AGAP3: variants seen among roughly 807,000 people sequenced by gnomAD.
AGAP3 encodes the protein arf-GAP with GTPase, ANK repeat and PH domain-containing protein 3.
AGAP3 carries 24 observed loss-of-function variants against 96.9 expected under a neutral mutation model. That is an observed-to-expected ratio of 0.25 (90% confidence interval 0.18 to 0.35). The LOEUF is 0.35. Among genes scored for constraint, AGAP3 ranks in the 10% least tolerant of loss-of-function variants. The pLI, the probability that AGAP3 is intolerant of heterozygous loss-of-function variation, is 1.00. For synonymous variants in AGAP3, 563 were observed against 536.1 expected (o/e 1.05, Z -0.69); for missense variants, 876 against 1,254.2 (o/e 0.70, Z 4.55).
rs1184572477 is a variant in AGAP3, at chr7:151,142,001, G to C, written c.1908G>C (p.Val636=). The stretch of plus-strand genomic sequence containing the variant: ...AGCGGGAGCTGTGGGTTCAGAGTGT[G>C]CAGGCCCAGATCCTTGCCAGCCTGC... The part of the protein sequence containing the change: ...AEERELWVQS[V]QAQILASLQG... The change falls in exon 14 of 18, where the codon GTG becomes GTC. Residue 636 remains valine (V), a synonymous_variant. Coordinates refer to ENST00000397238, the MANE Select transcript of AGAP3 (RefSeq NM_031946.7). This position sits in a 1 kb window ranked among gnomAD's most constrained non-coding sequence, Gnocchi z 7.5. 5.6e-6 allele frequency: 9 copies of C among 1,614,070 alleles called. No individual in the cohort carries two copies. The highest frequency in any genetic ancestry group is 7.6e-6 in the Non-Finnish European group (9 of 1,179,960).
In AGAP3 at chr7:151,139,682, G is replaced by A; in HGVS notation, c.1667-297G>A. ...CTGCTGGGGCTTCAGCTCCCCGTGA[G>A]TTCCCTGGGCTGCCTTCCACCCCTC... On this transcript the variant is annotated intron_variant, in intron 12 of 17. Coordinates refer to ENST00000397238, the MANE Select transcript of AGAP3 (RefSeq NM_031946.7). The surrounding 1 kb of genome is among the most constrained non-coding windows in gnomAD (Gnocchi z 4.9). The A allele has an allele frequency of 3.7e-6, 1 of 271,964 alleles. No individual in the cohort carries two copies. The highest frequency in any genetic ancestry group is 6.9e-6 in the Non-Finnish European group (1 of 145,630). The allele number at this position is 271,964 out of a possible 1,614,324, so 16.8% of individuals were successfully genotyped here. A position where few individuals can be genotyped will look rare whatever the true frequency, so the allele number is the denominator to read the frequency against.
Position 151,123,491 on chromosome 7 carries a change from C to T in AGAP3, c.1129-303C>T, listed in dbSNP as rs1312438564. 5 of 1,207,962 alleles carry T rather than the reference C, an allele frequency of 4.1e-6. No individual in the cohort carries two copies. The African/African-American group carries it at 4.7e-5, about 11-fold the overall frequency. The allele number at this position is 1,207,962 out of a possible 1,614,324, so 74.8% of individuals were successfully genotyped here. ...AGCAGCCCCACCGTCCACCTCCTCGCCCCCGCTTCTCTTACGCCCCCGCCC... is the reference window on the plus strand; with the variant it reads ...AGCAGCCCCACCGTCCACCTCCTCGTCCCCGCTTCTCTTACGCCCCCGCCC... On this transcript the variant is annotated intron_variant, in intron 8 of 17. Coordinates refer to ENST00000397238, the MANE Select transcript of AGAP3 (RefSeq NM_031946.7).
At chr7:151,120,522 A>T in intron 8 of AGAP3, 1 of 808,464 alleles carries the variant, frequency 1.2e-6, no homozygotes, top group Non-Finnish European at 1.9e-6. Context: ...TTCAACAGCT[A>T]ATGAACCGGC....
chr7:151,091,714 AG>A (rs1798407204), intron 1 of AGAP3, among the ~76,000 whole-genome samples: 1 of 152,214 alleles, frequency 6.6e-6, no homozygotes, highest in Non-Finnish European at 1.5e-5. Flanking sequence ...GCCTGATCTC[AG>A]GCTGCATGGC....
intron 2 of AGAP3, 41 bp downstream of exon 2, chr7:151,116,892 G>GA (rs202151892): frequency 9.9e-6 from 16 of 1,612,370 alleles, no homozygotes; most frequent in Non-Finnish European, 1.4e-5. Flanking sequence ...CCTGGAGCTG[G>GA]GGGGGCGAGG....
rs1204662979 is a variant in AGAP3 at position 151,133,470 on chromosome 7, TGGG to T, written c.1327-926_1327-924del. ...CTCGGCCGTGGTGCTCCCTAAATGATGGGGGGAGTCCAAGCACAAAGTGGCCCC... is the reference window on the plus strand; with the variant it reads ...CTCGGCCGTGGTGCTCCCTAAATGATGGGAGTCCAAGCACAAAGTGGCCCC... On this transcript the variant is annotated intron_variant, in intron 10 of 17. Transcript: ENST00000397238. The surrounding 1 kb of genome is among the most constrained non-coding windows in gnomAD (Gnocchi z 5.4). Among the ~76,000 whole-genome samples, 1 of 149,456 alleles carries T rather than the reference TGGG, an allele frequency of 6.7e-6. No homozygotes were observed. The highest frequency in any genetic ancestry group is 2.1e-4 in the East Asian group (1 of 4,876).
At position 151,138,293 on chromosome 7, in the gene AGAP3, C is replaced by T. The variant is rs1393844113; in HGVS notation, c.1646C>T (p.Pro549Leu). The T allele has an allele frequency of 6.2e-7, 1 of 1,612,190 alleles. No homozygotes were observed. The highest frequency in any genetic ancestry group is 1.3e-5 in the African/African-American group (1 of 74,920). The change falls in exon 12 of 18, where the codon CCC (proline) becomes CTC (leucine). Residue 549 changes from proline to leucine, a missense_variant. Pro to Leu is a moderately conservative substitution (Grantham distance 98, BLOSUM62 -3). Around this residue, in one of 8 missense-constraint regions of AGAP3, gnomAD observed 155 missense variants for 144.4 expected, o/e 1.07. Transcript: ENST00000397238. Reference sequence around the variant, plus strand: ...TGGAGTGAGGCCACCACTTCCCTGCCCCCAGGCATGCAGCACCCTGGTGAG... The same window carrying T: ...TGGAGTGAGGCCACCACTTCCCTGCTCCCAGGCATGCAGCACCCTGGTGAG... ...DQWSEATTSL[P>L]PGMQHPASGP...
chr7:151,128,307 T>A lies in AGAP3; in HGVS notation c.1222-273T>A, dbSNP rs374282731. On this transcript the variant is annotated intron_variant, in intron 9 of 17. Transcript: ENST00000397238. The stretch of plus-strand genomic sequence containing the variant: ...CCCTGACAGGCTTCTCCTGTCGAGG[T>A]GGCTCCACACACTGGGGAGGGAAGA... The A allele has an allele frequency of 3.9e-4, 176 of 449,812 alleles. No individual in the cohort carries two copies. The East Asian group carries it at 6.1e-3, about 16-fold the overall frequency. 27.9% of individuals were successfully genotyped at this position (449,812 alleles called of 1,614,324 possible).
Position 151,108,298 on chromosome 7 carries a change from C to T in AGAP3, c.332-8495C>T, listed in dbSNP as rs1799139748. Among the ~76,000 whole-genome samples the T allele has an allele frequency of 6.6e-6, 1 of 152,196 alleles. No individual in the cohort carries two copies. The highest frequency in any genetic ancestry group is 1.5e-5 in the Non-Finnish European group (1 of 68,030). ...CTCTCAAGTACCATCTGTAGTACTA[C>T]AATACCGCCATGTCACCGGCCTGGT... is the stretch of plus-strand genomic sequence containing the variant. On this transcript the variant is annotated intron_variant, in intron 1 of 17. Transcript: ENST00000397238. The surrounding 1 kb of genome is among the most constrained non-coding windows in gnomAD (Gnocchi z 4.2).
At position 151,086,917 on chromosome 7, in the gene AGAP3, A is replaced by T; in HGVS notation, c.176A>T (p.Gln59Leu). The change falls in exon 1 of 18, where the codon CAG becomes CTG. Residue 59 changes from glutamine to leucine, a missense_variant. This residue lies in a region of AGAP3 where 62 missense variants were observed against 82.8 expected (regional missense o/e 0.75). Transcript: ENST00000397238. The part of the protein sequence containing the change: ...PSQQLAGGPP[Q>L]QFALSNSAAI... The stretch of plus-strand genomic sequence containing the variant: ...CAGCAGCTGGCCGGCGGGCCCCCCC[A>T]GCAGTTCGCGCTCTCCAACTCCGCG... The T allele has an allele frequency of 2.5e-6, 4 of 1,581,098 alleles. No individual in the cohort carries two copies. The highest frequency in any genetic ancestry group is 3.4e-6 in the Non-Finnish European group (4 of 1,165,594).
intron 1 of AGAP3, among the ~76,000 whole-genome samples, chr7:151,093,679 A>G (rs924885875): frequency 6.6e-6 from 1 of 152,152 alleles, no homozygotes; most frequent in African/African-American, 2.4e-5. Context: ...TTGTTGTGGA[A>G]AATGCTTTGC....
chr7:151,136,039 C>T (rs1402102760), intron 11 of AGAP3, among the ~76,000 whole-genome samples: 1 of 152,218 alleles, frequency 6.6e-6, no homozygotes, highest in Non-Finnish European at 1.5e-5. Flanking sequence ...GACCTTGAGC[C>T]TGCCGTGGGG....
In AGAP3 at chr7:151,141,794, A is replaced by G; in HGVS notation, c.1805-104A>G. 6.8e-7 allele frequency: 1 copy of G among 1,472,382 alleles called. No homozygotes were observed. The highest frequency in any genetic ancestry group is 9.5e-7 in the Non-Finnish European group (1 of 1,057,356). 91.2% of individuals were successfully genotyped at this position (1,472,382 alleles called of 1,614,324 possible). The stretch of plus-strand genomic sequence containing the variant: ...CAGCTGGGGAAGGGTCTAGGGGAGG[A>G]CACTTGCCAGTGGAGCAGGGTAGTG... On this transcript the variant is annotated intron_variant, in intron 13 of 17. Transcript: ENST00000397238. The surrounding 1 kb of genome is among the most constrained non-coding windows in gnomAD (Gnocchi z 4.2).
intron 1 of AGAP3, among the ~76,000 whole-genome samples, chr7:151,104,043 C>T (rs1308672667): frequency 6.6e-6 from 1 of 152,158 alleles, no homozygotes; most frequent in African/African-American, 2.4e-5. Flanking sequence ...TGTGAAGGTT[C>T]ATTTCCTCCC....
At chr7:151,116,555 G>A in intron 1 of AGAP3, 1 of 560,750 alleles carries the variant, frequency 1.8e-6, no homozygotes, top group Non-Finnish European at 3.2e-6. Context: ...AAACCAGGGG[G>A]ACTGAGCCCA....
intron 1 of AGAP3, among the ~76,000 whole-genome samples, chr7:151,089,328 G>T (rs1798292695): frequency 6.6e-6 from 1 of 152,154 alleles, no homozygotes; most frequent in Non-Finnish European, 1.5e-5. Context: ...TCCGAGCACA[G>T]TCTGAGGCTG....
intron 12 of AGAP3, among the ~76,000 whole-genome samples, chr7:151,138,562 G>A (rs879373623): frequency 1.3e-5 from 2 of 152,164 alleles, no homozygotes; most frequent in African/African-American, 2.4e-5. Flanking sequence ...TTTCCCCAGA[G>A]CCCCCATCTG....
At chr7:151,125,835 G>A (rs1472152131) in intron 9 of AGAP3, among the ~76,000 whole-genome samples, 1 of 152,272 alleles carries the variant, frequency 6.6e-6, no homozygotes. Flanking sequence ...TCGGCTGGCG[G>A]AGCTGGGAGG....
chr7:151,091,920 A>T (rs1380191161), intron 1 of AGAP3, among the ~76,000 whole-genome samples: 2 of 151,700 alleles, frequency 1.3e-5, no homozygotes, highest in Non-Finnish European at 2.9e-5. Context: ...AAACAGGATG[A>T]TGAAGATAAC....
Sources: gnomAD v4.1 joint callset for allele counts (sites outside exome capture counted in the v4.1 genomes callset) on GRCh38, gnomAD v4.1.1 for gene constraint, gnomAD v4.1.1 regional missense constraint, Gnocchi (gnomAD v3.1) non-coding constraint, MANE v1.5 for transcripts, NCBI Gene and HGNC (gene_info 2026-07-23, HGNC 2026-07-21) for gene names.